Variants in NAALADL2 observed in about 807,000 individuals in gnomAD.
NAALADL2 encodes inactive N-acetylated-alpha-linked acidic dipeptidase-like protein 2.
A neutral mutation model predicts 87.2 loss-of-function variants in NAALADL2; 76 were observed. That is an observed-to-expected ratio of 0.87 (90% CI 0.72 to 1.05). The LOEUF (loss-of-function observed/expected upper bound fraction) is 1.05. Ranked by LOEUF, NAALADL2 falls within the 50% of genes least tolerant of loss-of-function variation. The pLI is 0.00. For missense variants in NAALADL2, 1,089 were observed against 945.8 expected (o/e 1.15, Z -1.99); for synonymous variants, 354 against 331.0 (o/e 1.07, Z -0.75).
intron 8 of NAALADL2, 56 bp downstream of exon 8, chr3:175,467,240 A>G (rs1724208606): frequency 3.4e-6 from 5 of 1,462,158 alleles, no homozygotes; most frequent in Non-Finnish European, 4.7e-6. Context: ...TTGCTAAAGT[A>G]GACAAAGTAA....
At chr3:175,115,978 C>T (rs936466203) in intron 2 of NAALADL2, among the ~76,000 whole-genome samples, 1 of 151,816 alleles carries the variant, frequency 6.6e-6, no homozygotes, top group African/African-American at 2.4e-5. Context: ...GAACCAAAGA[C>T]AAAAACCACA....
In NAALADL2 at chr3:175,684,254, A is replaced by T. The variant is rs574503975; in HGVS notation, c.1897-53052A>T. 4.6e-5 allele frequency among the ~76,000 whole-genome samples: 7 copies of T among 152,268 alleles called. No individual in the cohort carries two copies. The East Asian group carries it at 7.7e-4, about 17-fold the overall frequency. On this transcript the variant is annotated intron_variant, in intron 11 of 13. Coordinates refer to ENST00000454872, the MANE Select transcript of NAALADL2 (RefSeq NM_207015.3). ...ATTATTTCATTTTGTATAGATTTTT[A>T]AAAAATATCCAAATGGAGCAATGTC...
At chr3:174,750,829 T>C (rs1734752003) in intron 3 of NAALADL2, among the ~76,000 whole-genome samples, 2 of 152,216 alleles carry the variant, frequency 1.3e-5, no homozygotes, top group Non-Finnish European at 2.9e-5. Flanking sequence ...CAATAGCAAG[T>C]TGGGAGCTTA....
At chr3:175,243,184 T>G (rs1747263045) in intron 3 of NAALADL2, among the ~76,000 whole-genome samples, 1 of 151,596 alleles carries the variant, frequency 6.6e-6, no homozygotes, top group Admixed American at 6.6e-5. Flanking sequence ...TATTATCTGC[T>G]TTTAGAGAGA....
intron 1 of NAALADL2, among the ~76,000 whole-genome samples, chr3:175,089,801 C>T (rs985145611): frequency 6.6e-6 from 1 of 152,066 alleles, no homozygotes; most frequent in Non-Finnish European, 1.5e-5. Context: ...GACTGACAGC[C>T]TTATATATTA....
intron 9 of NAALADL2, among the ~76,000 whole-genome samples, chr3:175,546,466 T>C (rs1713351491): frequency 6.6e-6 from 1 of 152,102 alleles, no homozygotes; most frequent in Non-Finnish European, 1.5e-5. Context: ...GACTATGTGG[T>C]TGCTTTATGA....
chr3:175,411,449 G>T (rs1161900138), intron 5 of NAALADL2, among the ~76,000 whole-genome samples: 1 of 149,096 alleles, frequency 6.7e-6, no homozygotes, highest in Non-Finnish European at 1.5e-5. Flanking sequence ...CTATTGATGT[G>T]CGAATTGAAG....
chr3:174,920,180 C>A (rs1278324226), intron 1 of NAALADL2, among the ~76,000 whole-genome samples: 1 of 152,174 alleles, frequency 6.6e-6, no homozygotes, highest in East Asian at 1.9e-4. Context: ...GCTGCATTAG[C>A]TCCTAACAGA....
At chr3:175,279,779 A>AGTGTGT (rs1452624383) in intron 4 of NAALADL2, among the ~76,000 whole-genome samples, 6 of 128,756 alleles carry the variant, frequency 4.7e-5, no homozygotes, top group African/African-American at 2.1e-4. Flanking sequence ...TCCTCTGCAT[A>AGTGTGT]GTGTGTGAGT....
At chr3:175,398,264 C>T (rs761783533) in intron 5 of NAALADL2, among the ~76,000 whole-genome samples, 13 of 151,192 alleles carry the variant, frequency 8.6e-5, no homozygotes, top group Admixed American at 7.3e-4. Context: ...AGTAAAAAGA[C>T]AGCCCCAGAC....
intron 10 of NAALADL2, among the ~76,000 whole-genome samples, chr3:175,603,232 A>G (rs1446039247): frequency 2.0e-5 from 3 of 152,190 alleles, no homozygotes; most frequent in Admixed American, 2.0e-4. Flanking sequence ...ATTTAGTTAC[A>G]TTTTTAAAAT....
intron 11 of NAALADL2, among the ~76,000 whole-genome samples, chr3:175,733,148 T>A (rs1744015399): frequency 6.6e-6 from 1 of 152,222 alleles, no homozygotes; most frequent in Non-Finnish European, 1.5e-5. Context: ...TGAATTATAT[T>A]TTTTACGACT....
chr3:175,456,082 A>G (rs924069579), intron 6 of NAALADL2, among the ~76,000 whole-genome samples: 9 of 152,072 alleles, frequency 5.9e-5, no homozygotes, highest in Non-Finnish European at 1.2e-4. Flanking sequence ...TTTTCTAGAT[A>G]CTTGGTATAA....
chr3:175,344,944 G>A (rs945416283), intron 5 of NAALADL2, among the ~76,000 whole-genome samples: 4 of 151,856 alleles, frequency 2.6e-5, no homozygotes, highest in South Asian at 2.1e-4. Context: ...TACAGATGAG[G>A]AAACTAGAAC....
intron 2 of NAALADL2, among the ~76,000 whole-genome samples, chr3:174,716,787 T>C (rs1294326445): frequency 6.6e-6 from 1 of 152,102 alleles, no homozygotes; most frequent in African/African-American, 2.4e-5. Context: ...AAGATTCTAA[T>C]GTACAGTTCG....
intron 11 of NAALADL2, chr3:175,655,366 G>T: frequency 9.3e-6 from 2 of 215,068 alleles, no homozygotes; most frequent in East Asian, 2.8e-4. Flanking sequence ...TAGTTCATAG[G>T]CAAGTTTTTT....
Position 175,256,549 on chromosome 3 carries a change from A to G in NAALADL2, c.939+19A>G, listed in dbSNP as rs770274158. ...TTATAAGGTTGGTCCAGTGAATGTT[A>G]TTCAGTGGTTTGGTCAATATTTTGC... On this transcript the variant is annotated intron_variant, in intron 4 of 13. Coordinates refer to ENST00000454872, the MANE Select transcript of NAALADL2 (RefSeq NM_207015.3). 5 of 1,604,706 alleles carry G rather than the reference A, an allele frequency of 3.1e-6. No individual in the cohort carries two copies. In the Admixed American group the frequency reaches 6.9e-5, roughly 22 times the overall value.
intron 1 of NAALADL2, among the ~76,000 whole-genome samples, chr3:174,884,302 A>T (rs181181696): frequency 6.6e-6 from 1 of 152,306 alleles, no homozygotes; most frequent in East Asian, 1.9e-4. Context: ...TTCAGAGCAT[A>T]TGTGACCTTC....
At chr3:174,931,465 T>C (rs1024086102) in intron 1 of NAALADL2, among the ~76,000 whole-genome samples, 2 of 152,228 alleles carry the variant, frequency 1.3e-5, no homozygotes, top group Admixed American at 6.5e-5. Flanking sequence ...AGTTTAATTA[T>C]GTAAAACACT....
Sources: allele counts gnomAD v4.1 joint callset (sites outside exome capture counted in the v4.1 genomes callset), GRCh38; gene constraint gnomAD v4.1.1; transcripts MANE v1.5; gene names NCBI Gene and HGNC (gene_info 2026-07-23, HGNC 2026-07-21).